SMURF1: variants seen among roughly 807,000 people sequenced by gnomAD.
SMURF1 encodes the protein SMAD specific E3 ubiquitin protein ligase 1.
A neutral mutation model predicts 98.0 loss-of-function variants in SMURF1; 44 were observed. The ratio of observed to expected loss-of-function variants is 0.45; its 90% CI spans 0.35 to 0.58. The LOEUF (loss-of-function observed/expected upper bound fraction) is 0.58. Ranked by LOEUF, SMURF1 falls within the 20% of genes least tolerant of loss-of-function variation. The probability of loss-of-function intolerance (pLI) is 0.00; values close to 1 mark genes in which losing one functional copy is unlikely to be tolerated. For synonymous variants in SMURF1, 396 were observed against 374.9 expected, an observed-to-expected ratio of 1.06 and a Z score of -0.65; for missense variants, 687 against 938.4, an observed-to-expected ratio of 0.73 and a Z score of 3.50.
chr7:99,032,860 T>G, intron 17 of SMURF1, 177 bp downstream of exon 17: 1 of 873,924 alleles, frequency 1.1e-6, no homozygotes, highest in Non-Finnish European at 1.8e-6. Context: ...TTCAGAATTG[T>G]CATTCAACTC....
At chr7:99,043,284 G>T (rs1795453508) in intron 11 of SMURF1, among the ~76,000 whole-genome samples, 1 of 152,216 alleles carries the variant, frequency 6.6e-6, no homozygotes. Flanking sequence ...GGGGAGATAA[G>T]TGTAGCCTAA....
At chr7:99,123,746 A>C (rs1234114611) in intron 1 of SMURF1, among the ~76,000 whole-genome samples, 1 of 152,232 alleles carries the variant, frequency 6.6e-6, no homozygotes, top group Non-Finnish European at 1.5e-5. Context: ...TGATATAGTA[A>C]GAGTTTAATC....
intron 8 of SMURF1, chr7:99,050,864 G>T: frequency 3.4e-6 from 4 of 1,178,260 alleles, no homozygotes; most frequent in Non-Finnish European, 4.4e-6. Flanking sequence ...AAAAGCAAAA[G>T]AAAAAAAGAA....
intron 1 of SMURF1, among the ~76,000 whole-genome samples, chr7:99,115,739 T>G (rs1269725319): frequency 2.0e-5 from 3 of 152,144 alleles, no homozygotes; most frequent in Non-Finnish European, 4.4e-5. Context: ...AATTAAAAAT[T>G]TTTTAAAGAC....
chr7:99,037,304 C>G, intron 14 of SMURF1, 117 bp from the exon 15 acceptor site: 1 of 1,271,490 alleles, frequency 7.9e-7, no homozygotes, highest in Non-Finnish European at 1.1e-6. Context: ...ATGGCTCAAT[C>G]TCGGCTCACT....
chr7:99,033,125 AC>A lies in SMURF1; in HGVS notation c.2012-5del, dbSNP rs1562994998. On this transcript the variant is annotated splice_region_variant and splice_polypyrimidine_tract_variant and intron_variant, in intron 16 of 17. Transcript: ENST00000361368. ...GGCCCTGCCGCGCCTGTAGAACCTT[AC>A]AAGACAACATTCTAGTTAATGTACT... The A allele has an allele frequency of 6.4e-7, 1 of 1,568,974 alleles. No homozygotes were observed. The highest frequency in any genetic ancestry group is 8.6e-7 in the Non-Finnish European group (1 of 1,156,284).
intron 1 of SMURF1, among the ~76,000 whole-genome samples, chr7:99,112,885 C>T (rs753220469): frequency 9.2e-5 from 14 of 152,116 alleles, no homozygotes; most frequent in East Asian, 3.9e-4. Flanking sequence ...TAAAAATTCA[C>T]GAGAGGCTCA....
chr7:99,036,017 A>T (rs1795124936), intron 15 of SMURF1: 1 of 419,370 alleles, frequency 2.4e-6, no homozygotes. Context: ...GTATCAAAGA[A>T]CCAACCGGTG....
intron 1 of SMURF1, among the ~76,000 whole-genome samples, chr7:99,105,191 G>A (rs1797168762): frequency 6.6e-6 from 1 of 152,186 alleles, no homozygotes; most frequent in South Asian, 2.1e-4. Flanking sequence ...CCAAGAAGCA[G>A]CCAGTGAAAC....
intron 1 of SMURF1, among the ~76,000 whole-genome samples, chr7:99,098,654 A>G (rs892062970): frequency 2.0e-5 from 3 of 152,146 alleles, no homozygotes; most frequent in Admixed American, 6.5e-5. Context: ...GCACTGAGAA[A>G]TGTCACCAAA....
chr7:99,108,611 CAAAAAAAAAAAA>C (rs11458541), intron 1 of SMURF1, among the ~76,000 whole-genome samples: 1 of 58,560 alleles, frequency 1.7e-5, no homozygotes, highest in African/African-American at 6.2e-5. Flanking sequence ...AACTCTGTCT[CAAAAAAAAAAAA>C]AAAAAAAAAA....
intron 1 of SMURF1, among the ~76,000 whole-genome samples, chr7:99,077,800 A>G (rs1189952259): frequency 6.6e-6 from 1 of 152,244 alleles, no homozygotes; most frequent in Non-Finnish European, 1.5e-5. Flanking sequence ...TACAGAAGAC[A>G]GGGACAAATC....
Position 99,054,971 on chromosome 7 carries a change from C to T in SMURF1, c.404-106G>A, listed in dbSNP as rs559584373. 1.7e-3 allele frequency: 1,726 copies of T among 1,043,946 alleles called. 35 individuals carry two copies. In the South Asian group the frequency reaches 0.022, roughly 13 times the overall value. 64.7% of individuals were successfully genotyped at this position (1,043,946 alleles called of 1,614,324 possible). Reference sequence around the variant, plus strand: ...AATTTATGTACAATATCATAAAAAACGAGGCATATGTGTATGCATACACAC... The same window carrying T: ...AATTTATGTACAATATCATAAAAAATGAGGCATATGTGTATGCATACACAC... On this transcript the variant is annotated intron_variant, in intron 5 of 17. Transcript: ENST00000361368.
rs11458541 is a variant in SMURF1 at position 99,108,611 on chromosome 7, CAAAAAAAAAA to C, written c.55+35105_55+35114del. ...TGGGCAATAGAGAGAAACTCTGTCT[CAAAAAAAAAA>C]AAAAAAAAAAAAAAGAAAGAAAGAA... On this transcript the variant is annotated intron_variant, in intron 1 of 17. Coordinates refer to ENST00000361368, the MANE Select transcript of SMURF1 (RefSeq NM_181349.3). Among the ~76,000 whole-genome samples the C allele has an allele frequency of 1.4e-4, 8 of 58,560 alleles. No homozygotes were observed. The East Asian group carries it at 2.2e-3, about 16-fold the overall frequency. 38.4% of individuals were successfully genotyped at this position (58,560 alleles called of 152,430 possible).
rs1228778355 is a variant in SMURF1, at chr7:99,077,322, AT to A, written c.56-15486del. ...ATTCTTAATCCACTTCTTTTTTTTT[AT>A]TTTTTTTATTTTTTTTTATTTTTTT... On this transcript the variant is annotated intron_variant, in intron 1 of 17. Coordinates refer to ENST00000361368, the MANE Select transcript of SMURF1 (RefSeq NM_181349.3). 7.3e-5 allele frequency among the ~76,000 whole-genome samples: 11 copies of A among 150,298 alleles called. No individual in the cohort carries two copies. In the East Asian group the frequency reaches 9.8e-4, roughly 13 times the overall value.
intron 1 of SMURF1, among the ~76,000 whole-genome samples, chr7:99,107,900 T>A (rs1295782667): frequency 6.6e-6 from 1 of 152,190 alleles, no homozygotes; most frequent in Non-Finnish European, 1.5e-5. Context: ...TATACACACC[T>A]GACCCAGAAA....
At chr7:99,070,319 C>A (rs1796287956) in intron 1 of SMURF1, among the ~76,000 whole-genome samples, 1 of 152,126 alleles carries the variant, frequency 6.6e-6, no homozygotes, top group Non-Finnish European at 1.5e-5. Context: ...CCTTTCTAGT[C>A]CAGAAAGCTC....
At chr7:99,104,664 G>A (rs1797157142) in intron 1 of SMURF1, among the ~76,000 whole-genome samples, 2 of 152,094 alleles carry the variant, frequency 1.3e-5, no homozygotes, top group South Asian at 4.2e-4. Context: ...AATGTTTAAG[G>A]GCTGCAATTA....
chr7:99,076,877 ATG>A (rs1023184024), intron 1 of SMURF1, among the ~76,000 whole-genome samples: 1 of 151,824 alleles, frequency 6.6e-6, no homozygotes, highest in East Asian at 1.9e-4. Context: ...GTGTGCCTGC[ATG>A]TGTGTGCACG....
Sources: allele counts gnomAD v4.1 joint callset (sites outside exome capture counted in the v4.1 genomes callset), GRCh38; gene constraint gnomAD v4.1.1; transcripts MANE v1.5; gene names NCBI Gene and HGNC (gene_info 2026-07-23, HGNC 2026-07-21).